RETREG2: variants seen among roughly 807,000 people sequenced by gnomAD.
RETREG2 encodes the protein reticulophagy regulator 2.
Under a neutral mutation model 51.6 loss-of-function variants are expected in RETREG2, and 21 were observed. The ratio of observed to expected loss-of-function variants is 0.41; its 90% CI spans 0.29 to 0.59. The LOEUF (loss-of-function observed/expected upper bound fraction) is 0.59. Among genes scored for constraint, RETREG2 ranks in the 20% least tolerant of loss-of-function variants. The probability of loss-of-function intolerance (pLI) is 0.34; values close to 1 mark genes in which losing one functional copy is unlikely to be tolerated. For synonymous variants in RETREG2, 339 were observed against 288.6 expected (o/e 1.17, Z -1.77); for missense variants, 674 against 646.0 (o/e 1.04, Z -0.47).
Position 219,182,615 on chromosome 2 carries a change from G to A in RETREG2, c.1618G>A (p.Val540Met), listed in dbSNP as rs377075103. ...LVQSDQEAQA[V>M]AEP ...ACAGTCAGACCAAGAAGCTCAGGCC[G>A]TGGCAGAGCCATGAGCCAGCCGTTG... Residue 540 changes from valine (V) to methionine (M), a missense_variant, in exon 9 of 9, where the codon GTG (valine) becomes ATG (methionine). Val to Met is a conservative substitution (Grantham distance 21). Coordinates refer to ENST00000430297, the MANE Select transcript of RETREG2 (RefSeq NM_024293.6). The A allele has an allele frequency of 5.6e-6, 9 of 1,613,732 alleles. No homozygotes were observed. Among genetic ancestry groups the A allele is most frequent in the African/African-American group, 2.7e-5 (2 of 74,922 alleles).
Position 219,183,412 on chromosome 2 carries a change from G to C in RETREG2, c.*783G>C, listed in dbSNP as rs528437271. 1.5e-4 allele frequency: 23 copies of C among 152,260 alleles called. No individual in the cohort carries two copies. The highest frequency in any genetic ancestry group is 1.5e-3 in the Admixed American group (23 of 15,284). The allele number at this position is 152,260 out of a possible 1,614,324, so 9.4% of individuals were successfully genotyped here. Reference sequence around the variant, plus strand: ...CCTCTGGGTGATCCAAGTGTAGTGGGACCCCCTACTAGGGTCAGGAAGTGG... The same window carrying C: ...CCTCTGGGTGATCCAAGTGTAGTGGCACCCCCTACTAGGGTCAGGAAGTGG... On this transcript the variant is annotated 3_prime_UTR_variant, in exon 9 of 9. Transcript: ENST00000430297.
rs1950314178 is a variant in RETREG2, at chr2:219,183,709, A to G, written c.*1080A>G. On this transcript the variant is annotated 3_prime_UTR_variant, in exon 9 of 9. Transcript: ENST00000430297. ...AGTGAGATTTAGCATGTGTGAATAA[A>G]GTATATGCAGGAGGAAATTGCTTTG... is the stretch of plus-strand genomic sequence containing the variant. The G allele has an allele frequency of 6.6e-6, 1 of 152,248 alleles. No homozygotes were observed. Among genetic ancestry groups the G allele is most frequent in the Admixed American group, 6.5e-5 (1 of 15,278 alleles). The allele number at this position is 152,248 out of a possible 1,614,324, so 9.4% of individuals were successfully genotyped here.
In RETREG2 at chr2:219,184,825, G is replaced by GTTTTTTTTTTTTTTTTTTTTTTTTTTTT. The variant is rs71040423; in HGVS notation, c.*2215_*2216insTTTTTTTTTTTTTTTTTTTTTTTTTTTT. 1 of 99,404 alleles carries GTTTTTTTTTTTTTTTTTTTTTTTTTTTT rather than the reference G, an allele frequency of 1.0e-5. No homozygotes were observed. Among genetic ancestry groups the GTTTTTTTTTTTTTTTTTTTTTTTTTTTT allele is most frequent in the Non-Finnish European group, 1.9e-5 (1 of 51,896 alleles). 6.2% of individuals were successfully genotyped at this position (99,404 alleles called of 1,614,324 possible). ...TGTTTTGGTTTTTTGTTTTTTGTGGGTTTTTTTTTTTTTTTTTTTGAGACG... is the reference window on the plus strand; with the variant it reads ...TGTTTTGGTTTTTTGTTTTTTGTGGGTTTTTTTTTTTTTTTTTTTTTTTTTTTTTTTTTTTTTTTTTTTTTTTGAGACG... On this transcript the variant is annotated 3_prime_UTR_variant, in exon 9 of 9. Transcript: ENST00000430297.
chr2:219,180,395 C>T (rs1006063589), intron 4 of RETREG2, 150 bp downstream of exon 4: 15 of 1,115,696 alleles, frequency 1.3e-5, no homozygotes, highest in African/African-American at 3.1e-5. Flanking sequence ...ACAGCTAATC[C>T]CTGGTGCAGG....
At position 219,178,421 on chromosome 2, in the gene RETREG2, CCTGGGT is replaced by C. The variant is rs748689664; in HGVS notation, c.79_84del (p.Gly27_Leu28del). 4.3e-5 allele frequency: 26 copies of C among 607,358 alleles called. No individual in the cohort carries two copies. Among genetic ancestry groups the C allele is most frequent in the Non-Finnish European group, 5.2e-5 (19 of 366,796 alleles). 37.6% of individuals were successfully genotyped at this position (607,358 alleles called of 1,614,324 possible). On this transcript the variant is annotated inframe_deletion, in exon 1 of 9. Coordinates refer to ENST00000430297, the MANE Select transcript of RETREG2 (RefSeq NM_024293.6). ...GGCCGGGGATGGGCCTGAGCCTGGG[CCTGGGT>C]CTGGGTCTGAGCCTAGGCATGAGTG...
Position 219,184,032 on chromosome 2 carries a change from A to G in RETREG2, c.*1403A>G, listed in dbSNP as rs1950317991. 1 of 152,234 alleles carries G rather than the reference A, an allele frequency of 6.6e-6. No homozygotes were observed. Among genetic ancestry groups the G allele is most frequent in the African/African-American group, 2.4e-5 (1 of 41,468 alleles). 9.4% of individuals were successfully genotyped at this position (152,234 alleles called of 1,614,324 possible). On this transcript the variant is annotated 3_prime_UTR_variant, in exon 9 of 9. Transcript: ENST00000430297. ...GTATTAAGATTTTTCCTCACAGGTC[A>G]GATATATACTGTTACTAACTTCATT...
chr2:219,178,796 A>G, intron 1 of RETREG2, 126 bp from the exon 2 acceptor site: 1 of 1,124,286 alleles, frequency 8.9e-7, no homozygotes, highest in Non-Finnish European at 1.3e-6. Flanking sequence ...TCTATCTCTG[A>G]GTCGTGAGTC....
chr2:219,183,446 A>G lies in RETREG2; in HGVS notation c.*817A>G, dbSNP rs1479727456. On this transcript the variant is annotated 3_prime_UTR_variant, in exon 9 of 9. Coordinates refer to ENST00000430297, the MANE Select transcript of RETREG2 (RefSeq NM_024293.6). ...CTAGGGTCAGGAAGTGGACACTAAC[A>G]TCTGTGCAGGTGTTGACTTGAAAAA... 1 of 152,274 alleles carries G rather than the reference A, an allele frequency of 6.6e-6. No homozygotes were observed. The highest frequency in any genetic ancestry group is 2.4e-5 in the African/African-American group (1 of 41,452). 9.4% of individuals were successfully genotyped at this position (152,274 alleles called of 1,614,324 possible). A position where few individuals can be genotyped will look rare whatever the true frequency, so the allele number is the denominator to read the frequency against.
chr2:219,185,173 CAT>C lies in RETREG2; in HGVS notation c.*2545_*2546del, dbSNP rs1438723022. The C allele has an allele frequency of 6.6e-6, 1 of 152,056 alleles. No homozygotes were observed. The highest frequency in any genetic ancestry group is 6.6e-5 in the Admixed American group (1 of 15,254). The allele number at this position is 152,056 out of a possible 1,614,324, so 9.4% of individuals were successfully genotyped here. ...ATTCACCATGGTCTGATGGTTGCTA[CAT>C]GTTTGTCTATGATTTTTTTTTTCTA... On this transcript the variant is annotated 3_prime_UTR_variant, in exon 9 of 9. Coordinates refer to ENST00000430297, the MANE Select transcript of RETREG2 (RefSeq NM_024293.6).
At chr2:219,181,990 T>C in intron 8 of RETREG2, 23 bp from the exon 9 acceptor site, 1 of 1,608,034 alleles carries the variant, frequency 6.2e-7, no homozygotes, top group South Asian at 1.1e-5. Context: ...AGGCCCATTC[T>C]TAATTCTTTG....
At chr2:219,180,289 G>A in intron 4 of RETREG2, 44 bp downstream of exon 4, 13 of 1,611,252 alleles carry the variant, frequency 8.1e-6, no homozygotes, top group Non-Finnish European at 1.1e-5. Flanking sequence ...CACTGAAGGG[G>A]AATAGAGGTG....
At chr2:219,178,873 A>G (rs1294956168) in intron 1 of RETREG2, 49 bp from the exon 2 acceptor site, 13 of 1,380,692 alleles carry the variant, frequency 9.4e-6, no homozygotes, top group South Asian at 2.5e-5. Flanking sequence ...AGATGGATGC[A>G]TGAGCCTGTC....
At chr2:219,179,884 G>A in intron 3 of RETREG2, 121 bp downstream of exon 3, 1 of 1,253,242 alleles carries the variant, frequency 8.0e-7, no homozygotes, top group Non-Finnish European at 1.2e-6. Context: ...CAAGCCATGG[G>A]TTTTTCATGG....
intron 3 of RETREG2, 140 bp from the exon 4 acceptor site, chr2:219,179,970 T>C: frequency 7.8e-7 from 1 of 1,286,130 alleles, no homozygotes; most frequent in Non-Finnish European, 1.1e-6. Flanking sequence ...GCTTTGCTTC[T>C]AAGACCAGGA....
chr2:219,182,940 G>A lies in RETREG2; in HGVS notation c.*311G>A, dbSNP rs373641468. On this transcript the variant is annotated 3_prime_UTR_variant, in exon 9 of 9. Transcript: ENST00000430297. The stretch of plus-strand genomic sequence containing the variant: ...CTCATCTCTATTCTCATTCCACTAT[G>A]CCCCAAGCCCTGGTGGTCTGGCCCT... 1 of 390,752 alleles carries A rather than the reference G, an allele frequency of 2.6e-6. No individual in the cohort carries two copies. The allele number at this position is 390,752 out of a possible 1,614,324, so 24.2% of individuals were successfully genotyped here.
Position 219,182,683 on chromosome 2 carries a change from G to A in RETREG2, c.*54G>A. The A allele has an allele frequency of 1.3e-6, 2 of 1,585,932 alleles. No homozygotes were observed. The highest frequency in any genetic ancestry group is 2.2e-5 in the East Asian group (1 of 44,512). ...ACAGTAGGGCTTCCTGGCTAGGAGT[G>A]TTGCTGTTTCCTCCTTTGCCTACCA... On this transcript the variant is annotated 3_prime_UTR_variant, in exon 9 of 9. Transcript: ENST00000430297.
chr2:219,179,170 C>T lies in RETREG2; in HGVS notation c.388+142C>T, dbSNP rs551863613. ...GCCCACTTCCTTTTTGTACGGAATT[C>T]CCTAAAATGAGAATTGCCCCTTTCC... On this transcript the variant is annotated intron_variant, in intron 2 of 8. Transcript: ENST00000430297. 1,662 of 723,408 alleles carry T rather than the reference C, an allele frequency of 2.3e-3. 10 individuals carry two copies. The highest frequency in any genetic ancestry group is 8.8e-3 in the South Asian group (595 of 67,718). 44.8% of individuals were successfully genotyped at this position (723,408 alleles called of 1,614,324 possible).
At chr2:219,181,565 G>A (rs973203205) in intron 7 of RETREG2, 75 bp from the exon 8 acceptor site, 1 of 1,600,830 alleles carries the variant, frequency 6.2e-7, no homozygotes, top group African/African-American at 1.3e-5. Context: ...CAGAGGTTTT[G>A]GGAGAGGGGA....
At position 219,180,650 on chromosome 2, in the gene RETREG2, A is replaced by G. The variant is rs1354739390; in HGVS notation, c.556-20A>G. ...GCATATCTCAGCGTGATGTTCTTAGACTTTTGCTCTTCTCTGCAGTTCTGC... is the reference window on the plus strand; with the variant it reads ...GCATATCTCAGCGTGATGTTCTTAGGCTTTTGCTCTTCTCTGCAGTTCTGC... On this transcript the variant is annotated intron_variant, in intron 4 of 8. Coordinates refer to ENST00000430297, the MANE Select transcript of RETREG2 (RefSeq NM_024293.6). 5 of 1,613,900 alleles carry G rather than the reference A, an allele frequency of 3.1e-6. No individual in the cohort carries two copies. The highest frequency in any genetic ancestry group is 1.7e-6 in the Non-Finnish European group (2 of 1,180,006).
Sources: allele counts gnomAD v4.1 joint callset, GRCh38; gene constraint gnomAD v4.1.1; transcripts MANE v1.5; gene names NCBI Gene and HGNC (gene_info 2026-07-23, HGNC 2026-07-21).